AUTS2: variants seen among roughly 807,000 people sequenced by gnomAD.
AUTS2 encodes the protein activator of transcription and developmental regulator AUTS2, also known as autism susceptibility gene 2 protein.
In AUTS2, 17 loss-of-function variants were observed where a neutral mutation model predicts 112.4. That is an observed-to-expected ratio of 0.15 (90% CI 0.10 to 0.23). The LOEUF is 0.23. Among genes scored for constraint, AUTS2 ranks in the 10% least tolerant of loss-of-function variants. The pLI is 1.00. For synonymous variants in AUTS2, 751 were observed against 702.7 expected, an observed-to-expected ratio of 1.07 and a Z score of -1.09; for missense variants, 1,510 against 1,701.6, an observed-to-expected ratio of 0.89 and a Z score of 1.98.
intron 1 of AUTS2, among the ~76,000 whole-genome samples, chr7:69,827,304 A>AAG (rs1262653116): frequency 2.6e-5 from 4 of 152,184 alleles, no homozygotes; most frequent in African/African-American, 9.7e-5. Context: ...GAGAACAGTC[A>AAG]GAGTTAAGGA....
chr7:69,662,925 T>TTAG (rs1795871615), intron 1 of AUTS2, among the ~76,000 whole-genome samples: 1 of 152,214 alleles, frequency 6.6e-6, no homozygotes, highest in Non-Finnish European at 1.5e-5. Context: ...CCCTCTTCTG[T>TTAG]TAGTTCTATC....
At chr7:69,684,915 C>T (rs759043641) in intron 1 of AUTS2, among the ~76,000 whole-genome samples, 30 of 152,254 alleles carry the variant, frequency 2.0e-4, no homozygotes, top group African/African-American at 7.2e-4. Context: ...TCACAAGATG[C>T]GTCTTTCCTG....
intron 4 of AUTS2, among the ~76,000 whole-genome samples, chr7:70,244,052 G>C (rs916792848): frequency 6.6e-6 from 1 of 152,044 alleles, no homozygotes; most frequent in Non-Finnish European, 1.5e-5. Context: ...AGAGGGTACT[G>C]TGTGAGTTAT....
At chr7:70,297,596 A>AT (rs964334261) in intron 4 of AUTS2, among the ~76,000 whole-genome samples, 25 of 146,032 alleles carry the variant, frequency 1.7e-4, no homozygotes, top group Middle Eastern at 3.5e-3. Flanking sequence ...CACCCGGGTA[A>AT]TTTTTTTTTT....
At chr7:69,831,775 G>A (rs1388330468) in intron 1 of AUTS2, among the ~76,000 whole-genome samples, 3 of 152,026 alleles carry the variant, frequency 2.0e-5, no homozygotes, top group Non-Finnish European at 1.5e-5. Context: ...AACCTCAGAG[G>A]GCTTCCAATT....
intron 1 of AUTS2, among the ~76,000 whole-genome samples, chr7:69,874,050 G>A (rs903568971): frequency 7.9e-5 from 12 of 152,174 alleles, no homozygotes; most frequent in Non-Finnish European, 1.5e-4. Flanking sequence ...AGAGGCCTGG[G>A]TGGGCTAGGG....
intron 1 of AUTS2, among the ~76,000 whole-genome samples, chr7:69,824,998 G>A (rs1791176716): frequency 6.6e-6 from 1 of 152,170 alleles, no homozygotes; most frequent in East Asian, 1.9e-4. Context: ...TGGTGATTTT[G>A]TGTGGATAGT....
chr7:70,249,687 C>T (rs1274018132), intron 4 of AUTS2, among the ~76,000 whole-genome samples: 8 of 152,008 alleles, frequency 5.3e-5, no homozygotes, highest in Admixed American at 3.9e-4. Context: ...ATCATTGTTA[C>T]AGGATCCACA....
chr7:70,550,405 G>A (rs1212287280), intron 5 of AUTS2, among the ~76,000 whole-genome samples: 1 of 152,140 alleles, frequency 6.6e-6, no homozygotes, highest in African/African-American at 2.4e-5. Flanking sequence ...TAATAACTAA[G>A]CTTTGAAGGA....
chr7:69,861,608 T>C (rs1792987260), intron 1 of AUTS2, among the ~76,000 whole-genome samples: 1 of 152,204 alleles, frequency 6.6e-6, no homozygotes, highest in Non-Finnish European at 1.5e-5. Context: ...GTGTAGTAAA[T>C]TACCAATGGC....
intron 1 of AUTS2, among the ~76,000 whole-genome samples, chr7:69,708,610 C>G (rs780273924): frequency 6.6e-6 from 1 of 152,164 alleles, no homozygotes; most frequent in African/African-American, 2.4e-5. Context: ...AGGAATAACA[C>G]GTAGTCTTTA....
At chr7:69,804,040 A>AT (rs1276478792) in intron 1 of AUTS2, among the ~76,000 whole-genome samples, 1 of 151,946 alleles carries the variant, frequency 6.6e-6, no homozygotes, top group African/African-American at 2.4e-5. Flanking sequence ...CTCAAAGAAA[A>AT]TTTTTTTTCA....
intron 1 of AUTS2, among the ~76,000 whole-genome samples, chr7:69,856,999 AG>A (rs1358755747): frequency 3.9e-5 from 6 of 152,250 alleles, no homozygotes; most frequent in Middle Eastern, 6.8e-3. Context: ...GCTCCAGAGG[AG>A]GGGATGCAGA....
chr7:69,627,126 G>A (rs1487345106), intron 1 of AUTS2, among the ~76,000 whole-genome samples: 1 of 152,134 alleles, frequency 6.6e-6, no homozygotes, highest in Non-Finnish European at 1.5e-5. Context: ...AGAAGGAATG[G>A]GTTTATGTAA....
chr7:70,754,902 C>T (rs1359112136), intron 6 of AUTS2, among the ~76,000 whole-genome samples: 1 of 152,170 alleles, frequency 6.6e-6, no homozygotes, highest in Non-Finnish European at 1.5e-5. Context: ...GCGGTAATGA[C>T]CTTGTAGTTA....
intron 6 of AUTS2, among the ~76,000 whole-genome samples, chr7:70,731,782 G>A (rs555964477): frequency 1.3e-5 from 2 of 151,724 alleles, no homozygotes; most frequent in African/African-American, 4.8e-5. Context: ...TTCTATTTCC[G>A]TTTCTTCCTC....
intron 1 of AUTS2, among the ~76,000 whole-genome samples, chr7:69,842,298 A>T (rs978736497): frequency 6.6e-6 from 1 of 152,204 alleles, no homozygotes; most frequent in Non-Finnish European, 1.5e-5. Context: ...ATATAAGAAA[A>T]TTAGATTTTA....
intron 2 of AUTS2, among the ~76,000 whole-genome samples, chr7:70,073,330 G>A (rs1179051574): frequency 6.6e-6 from 1 of 151,662 alleles, no homozygotes; most frequent in Non-Finnish European, 1.5e-5. Context: ...GACCAACATG[G>A]TGAAACCCCG....
At position 70,049,277 on chromosome 7, in the gene AUTS2, C is replaced by T. The variant is rs528736151; in HGVS notation, c.523-68855C>T. On this transcript the variant is annotated intron_variant, in intron 2 of 18. Transcript: ENST00000342771. ...ATATTCATTTTTATTTAGAATACTT[C>T]GGTGAAAGGAAGTATATATCTTACT... is the stretch of plus-strand genomic sequence containing the variant. Among the ~76,000 whole-genome samples, 6 of 152,138 alleles carry T rather than the reference C, an allele frequency of 3.9e-5. No individual in the cohort carries two copies. The South Asian group carries it at 8.3e-4, about 21-fold the overall frequency.
Sources: gnomAD v4.1 joint callset for allele counts (sites outside exome capture counted in the v4.1 genomes callset) on GRCh38, gnomAD v4.1.1 for gene constraint, MANE v1.5 for transcripts, NCBI Gene and HGNC (gene_info 2026-07-23, HGNC 2026-07-21) for gene names.